BAG4: variants seen among roughly 807,000 people sequenced by gnomAD.
BAG4 encodes the protein BAG cochaperone 4.
Under a neutral mutation model 52.1 loss-of-function variants are expected in BAG4, and 28 were observed. The ratio of observed to expected loss-of-function variants is 0.54; its 90% CI spans 0.40 to 0.74. The LOEUF is 0.74. BAG4 is among the 30% of genes least tolerant of loss of function. BAG4 has a pLI of 0.00. For synonymous variants in BAG4, 208 were observed against 217.0 expected, an observed-to-expected ratio of 0.96 and a Z score of 0.37; for missense variants, 525 against 572.0, an observed-to-expected ratio of 0.92 and a Z score of 0.84.
At chr8:38,201,872 A>T (rs1563284128) in intron 2 of BAG4, 114 of 5,268 alleles carry the variant, frequency 0.022, 5 homozygotes, top group Non-Finnish European at 0.033. Context: ...ATATATATAT[A>T]TATATATATT....
chr8:38,192,274 CA>C (rs748372261), intron 1 of BAG4, among the ~76,000 whole-genome samples: 5 of 152,152 alleles, frequency 3.3e-5, no homozygotes, highest in Non-Finnish European at 7.3e-5. Flanking sequence ...TTTTGCTAAT[CA>C]TCTTGATGTA....
chr8:38,183,459 A>G (rs1803308905), intron 1 of BAG4, among the ~76,000 whole-genome samples: 1 of 151,920 alleles, frequency 6.6e-6, no homozygotes, highest in African/African-American at 2.4e-5. Flanking sequence ...CAGGCTCTTC[A>G]CTGTTTTCAA....
chr8:38,205,921 CTTTT>C (rs869059707), intron 2 of BAG4, among the ~76,000 whole-genome samples: 1 of 138,368 alleles, frequency 7.2e-6, no homozygotes, highest in Non-Finnish European at 1.6e-5. Context: ...TTAAAAATTA[CTTTT>C]TTTTTTTTTT....
At chr8:38,199,054 G>A (rs138462368) in intron 2 of BAG4, among the ~76,000 whole-genome samples, 1 of 152,126 alleles carries the variant, frequency 6.6e-6, no homozygotes, top group Non-Finnish European at 1.5e-5. Flanking sequence ...AACAAATGTC[G>A]TATGTAGTAA....
At chr8:38,183,749 C>T (rs1199473174) in intron 1 of BAG4, among the ~76,000 whole-genome samples, 2 of 151,856 alleles carry the variant, frequency 1.3e-5, no homozygotes, top group East Asian at 3.9e-4. Flanking sequence ...TCTCAAACTC[C>T]TGGGCTCAAG....
chr8:38,206,901 C>T (rs1408771857), intron 2 of BAG4, among the ~76,000 whole-genome samples: 1 of 151,956 alleles, frequency 6.6e-6, no homozygotes, highest in African/African-American at 2.4e-5. Context: ...TCACCTCAGC[C>T]TCCTGAGTAG....
chr8:38,206,886 T>C (rs1173131345), intron 2 of BAG4, among the ~76,000 whole-genome samples: 2 of 151,548 alleles, frequency 1.3e-5, no homozygotes, highest in Non-Finnish European at 2.9e-5. Flanking sequence ...GCTCAAGCAA[T>C]CCTCTCACCT....
intron 1 of BAG4, 83 bp from the exon 2 acceptor site, chr8:38,192,605 C>A (rs1328865283): frequency 9.2e-7 from 1 of 1,087,238 alleles, no homozygotes; most frequent in Non-Finnish European, 1.3e-6. Flanking sequence ...TTTTTTTAAT[C>A]CTTATAACCT....
At chr8:38,180,522 CAA>C (rs1161178024) in intron 1 of BAG4, among the ~76,000 whole-genome samples, 16 of 26,492 alleles carry the variant, frequency 6.0e-4, no homozygotes, top group African/African-American at 1.2e-3. Flanking sequence ...GACTCCGTCT[CAA>C]AAAAAAAAAA....
At chr8:38,185,087 C>A (rs2130665223) in intron 1 of BAG4, among the ~76,000 whole-genome samples, 1 of 130,510 alleles carries the variant, frequency 7.7e-6, no homozygotes, top group African/African-American at 2.8e-5. Flanking sequence ...GAGACTCTGT[C>A]TCAAAAAAAA....
In BAG4 at chr8:38,212,440, C is replaced by T. The variant is rs558715364; in HGVS notation, c.*1947C>T. On this transcript the variant is annotated 3_prime_UTR_variant, in exon 5 of 5. Coordinates refer to ENST00000287322, the MANE Select transcript of BAG4 (RefSeq NM_004874.4). ...AGTAGTAGAGTTCTTGTATACTCTG[C>T]ACCCACCTTGCCCTTATGTTAACAT... 2 of 152,294 alleles carry T rather than the reference C, an allele frequency of 1.3e-5. No homozygotes were observed. Among genetic ancestry groups the T allele is most frequent in the African/African-American group, 2.4e-5 (1 of 41,570 alleles). The allele number at this position is 152,294 out of a possible 1,614,324, so 9.4% of individuals were successfully genotyped here. A position where few individuals can be genotyped will look rare whatever the true frequency, so the allele number is the denominator to read the frequency against.
At chr8:38,180,585 C>G (rs1585649502) in intron 1 of BAG4, among the ~76,000 whole-genome samples, 1 of 145,588 alleles carries the variant, frequency 6.9e-6, no homozygotes, top group Non-Finnish European at 1.5e-5. Flanking sequence ...AATGTTTTTT[C>G]CAGATTTGTT....
At chr8:38,192,642 T>C (rs1803495451) in intron 1 of BAG4, 46 bp from the exon 2 acceptor site, 4 of 1,409,536 alleles carry the variant, frequency 2.8e-6, no homozygotes, top group Non-Finnish European at 3.9e-6. Context: ...CTTAAAATGA[T>C]GTATGAATGT....
At chr8:38,189,637 C>T (rs1386559637) in intron 1 of BAG4, among the ~76,000 whole-genome samples, 1 of 152,140 alleles carries the variant, frequency 6.6e-6, no homozygotes, top group Non-Finnish European at 1.5e-5. Flanking sequence ...GTCTTCTCAT[C>T]CTGGGACTTC....
intron 4 of BAG4, chr8:38,209,507 G>T: frequency 1.8e-6 from 1 of 541,294 alleles, no homozygotes; most frequent in East Asian, 3.3e-5. Context: ...CACATTTTCT[G>T]TTTGTTGTAA....
At chr8:38,177,437 T>C (rs971792719) in intron 1 of BAG4, among the ~76,000 whole-genome samples, 4 of 152,198 alleles carry the variant, frequency 2.6e-5, no homozygotes, top group Admixed American at 6.5e-5. Flanking sequence ...CGGTGCTGGG[T>C]AGGGGTGGCA....
Position 38,211,097 on chromosome 8 carries a change from GTTCTGAAAAAATTTATATCTT to G in BAG4, c.*608_*628del, listed in dbSNP as rs1460850053. On this transcript the variant is annotated 3_prime_UTR_variant, in exon 5 of 5. Transcript: ENST00000287322. ...ATATTGACAGCCAGATAGTATGGCA[GTTCTGAAAAAATTTATATCTT>G]TTCACCACTTGAATATACTGCAATG... is the stretch of plus-strand genomic sequence containing the variant. 1 of 151,572 alleles carries G rather than the reference GTTCTGAAAAAATTTATATCTT, an allele frequency of 6.6e-6. No individual in the cohort carries two copies. Among genetic ancestry groups the G allele is most frequent in the African/African-American group, 2.4e-5 (1 of 41,270 alleles). The allele number at this position is 151,572 out of a possible 1,614,324, so 9.4% of individuals were successfully genotyped here.
intron 1 of BAG4, among the ~76,000 whole-genome samples, chr8:38,182,202 G>A (rs536852073): frequency 6.6e-6 from 1 of 152,294 alleles, no homozygotes; most frequent in Non-Finnish European, 1.5e-5. Flanking sequence ...GGTCAGTATA[G>A]GAGCATAAGG....
At chr8:38,203,755 AGCCT>A (rs1255479405) in intron 2 of BAG4, among the ~76,000 whole-genome samples, 1 of 148,440 alleles carries the variant, frequency 6.7e-6, no homozygotes, top group Non-Finnish European at 1.5e-5. Context: ...GGATAACTTG[AGCCT>A]GGGAGATCTA....
Sources: allele counts gnomAD v4.1 joint callset (sites outside exome capture counted in the v4.1 genomes callset), GRCh38; gene constraint gnomAD v4.1.1; transcripts MANE v1.5; gene names NCBI Gene and HGNC (gene_info 2026-07-23, HGNC 2026-07-21).